PREX2: variants seen among roughly 807,000 people sequenced by gnomAD.
PREX2 encodes the protein phosphatidylinositol-3,4,5-trisphosphate dependent Rac exchange factor 2.
PREX2 carries 107 observed loss-of-function variants against 203.2 expected under a neutral mutation model. That is an observed-to-expected ratio of 0.53 (90% CI 0.45 to 0.62). The LOEUF (loss-of-function observed/expected upper bound fraction) is 0.62. Among genes scored for constraint, PREX2 ranks in the 20% least tolerant of loss-of-function variants. The pLI, the probability that PREX2 is intolerant of heterozygous loss-of-function variation, is 0.00. For synonymous variants in PREX2, 672 were observed against 663.6 expected (o/e 1.01, Z -0.19); for missense variants, 1,777 against 1,955.9 (o/e 0.91, Z 1.72).
At position 68,120,247 on chromosome 8, in the gene PREX2, G is replaced by T. The variant is rs779455396; in HGVS notation, c.3556G>T (p.Asp1186Tyr). Residue 1186 changes from aspartate (D) to tyrosine (Y), a missense_variant, in exon 29 of 40, where the codon GAC (aspartate) becomes TAC (tyrosine). Transcript: ENST00000288368. ...LKGQAVVRAF[D>Y]QTKYLTPGRG... ...AGGGCAGGCTGTTGTGAGGGCCTTT[G>T]ACCAAACCAAGTATCTCACTCCAGG... 4 of 1,613,852 alleles carry T rather than the reference G, an allele frequency of 2.5e-6. No homozygotes were observed. Among genetic ancestry groups the T allele is most frequent in the Non-Finnish European group, 3.4e-6 (4 of 1,179,812 alleles).
chr8:68,161,668 A>G (rs1009891539), intron 35 of PREX2, among the ~76,000 whole-genome samples: 4 of 151,740 alleles, frequency 2.6e-5, no homozygotes, highest in Non-Finnish European at 4.4e-5. Flanking sequence ...CTTCTCCCTT[A>G]TTGTGACCAT....
intron 1 of PREX2, among the ~76,000 whole-genome samples, chr8:68,014,062 A>G (rs999484547): frequency 1.3e-5 from 2 of 152,190 alleles, no homozygotes; most frequent in African/African-American, 4.8e-5. Flanking sequence ...ATTATAAAAT[A>G]AGAAAATGCA....
At chr8:67,974,945 C>G (rs2129608937) in intron 1 of PREX2, among the ~76,000 whole-genome samples, 1 of 152,304 alleles carries the variant, frequency 6.6e-6, no homozygotes, top group East Asian at 1.9e-4. Context: ...TGCATCCTGA[C>G]TGTGGTGACT....
chr8:68,109,754 C>A, intron 25 of PREX2, 131 bp downstream of exon 25: 1 of 709,278 alleles, frequency 1.4e-6, no homozygotes, highest in East Asian at 2.7e-5. Context: ...TATAGATCCT[C>A]TTCATTCCAA....
At chr8:68,223,901 T>A (rs2129615467) in intron 38 of PREX2, among the ~76,000 whole-genome samples, 1 of 152,320 alleles carries the variant, frequency 6.6e-6, no homozygotes, top group African/African-American at 2.4e-5. Flanking sequence ...GAAAAACAAG[T>A]GCACAGGTGT....
intron 39 of PREX2, among the ~76,000 whole-genome samples, chr8:68,226,453 A>C (rs910611148): frequency 1.3e-5 from 2 of 152,174 alleles, no homozygotes; most frequent in African/African-American, 4.8e-5. Flanking sequence ...GAGTTGAAGA[A>C]CACATTTGGC....
At chr8:67,965,895 TA>T (rs1805761519) in intron 1 of PREX2, among the ~76,000 whole-genome samples, 1 of 152,216 alleles carries the variant, frequency 6.6e-6, no homozygotes, top group Admixed American at 6.5e-5. Flanking sequence ...AGCTTTCAAT[TA>T]AAATAGGAGA....
chr8:68,073,878 C>T (rs1394005679), intron 14 of PREX2, among the ~76,000 whole-genome samples: 5 of 151,702 alleles, frequency 3.3e-5, no homozygotes, highest in African/African-American at 4.8e-5. Context: ...AGTTCTAGCT[C>T]AGGAAATCAG....
At chr8:68,212,327 T>C (rs1242102901) in intron 37 of PREX2, among the ~76,000 whole-genome samples, 1 of 152,214 alleles carries the variant, frequency 6.6e-6, no homozygotes, top group East Asian at 1.9e-4. Context: ...TCCCACCTGA[T>C]ATTATTCATC....
In PREX2 at chr8:68,192,343, G is replaced by A. The variant is rs745488864; in HGVS notation, c.4422G>A (p.Arg1474=). The A allele has an allele frequency of 7.6e-6, 12 of 1,589,042 alleles. No homozygotes were observed. The highest frequency in any genetic ancestry group is 1.7e-4 in the Middle Eastern group (1 of 5,976). Residue 1474 remains arginine, a synonymous_variant, in exon 37 of 40, where the codon AGG becomes AGA. Coordinates refer to ENST00000288368, the MANE Select transcript of PREX2 (RefSeq NM_024870.4). The part of the protein sequence containing the change: ...SKAAYVDKLM[R]PLNALDELYR... ...TCACTTTTTTTCTGCAGCTAATGAG[G>A]CCTCTCAACGCTTTGGATGAACTTT...
chr8:68,099,705 T>G lies in PREX2; in HGVS notation c.2577T>G (p.Ser859Arg). 1.9e-6 allele frequency: 3 copies of G among 1,613,860 alleles called. No homozygotes were observed. Among genetic ancestry groups the G allele is most frequent in the Non-Finnish European group, 1.7e-6 (2 of 1,179,848 alleles). Residue 859 changes from serine (S) to arginine (R), a missense_variant, in exon 23 of 40, where the codon AGT becomes AGG. By Grantham distance (110) the Ser-to-Arg change is moderately radical. Coordinates refer to ENST00000288368, the MANE Select transcript of PREX2 (RefSeq NM_024870.4). The stretch of plus-strand genomic sequence containing the variant: ...AGATTCTTGAAGCCCTGGCTAAAAG[T>G]GATGAGCATTTTGTACAAAACTGTA... ...TAKILEALAK[S>R]DEHFVQNCTS...
intron 1 of PREX2, among the ~76,000 whole-genome samples, chr8:68,009,518 A>C (rs1179688899): frequency 1.3e-5 from 2 of 152,212 alleles, no homozygotes; most frequent in African/African-American, 4.8e-5. Context: ...ACATTAAGAA[A>C]AAAGTTGACA....
rs540845811 is a variant in PREX2, at chr8:67,978,061, C to T, written c.141+25526C>T. 5.3e-5 allele frequency among the ~76,000 whole-genome samples: 8 copies of T among 152,136 alleles called. No individual in the cohort carries two copies. In the South Asian group the frequency reaches 1.5e-3, roughly 28 times the overall value. On this transcript the variant is annotated intron_variant, in intron 1 of 39. Transcript: ENST00000288368. ...TTGATCAGAAACACAGGTCACAACC[C>T]GGGGCATGTGATTGGCATCTGAAGT...
chr8:68,218,385 A>G (rs142630596), intron 38 of PREX2, among the ~76,000 whole-genome samples: 681 of 152,286 alleles, frequency 4.5e-3, no homozygotes, highest in African/African-American at 0.016. Context: ...CTAAGCTCCA[A>G]TTTACTAATT....
rs562289261 is a variant in PREX2 at position 68,017,962 on chromosome 8, T to C, written c.213+45T>C. 1.9e-5 allele frequency: 28 copies of C among 1,508,008 alleles called. No homozygotes were observed. The South Asian group carries it at 2.8e-4, about 15-fold the overall frequency. The allele number at this position is 1,508,008 out of a possible 1,614,324, so 93.4% of individuals were successfully genotyped here. On this transcript the variant is annotated intron_variant, in intron 2 of 39. Coordinates refer to ENST00000288368, the MANE Select transcript of PREX2 (RefSeq NM_024870.4). ...CTTCAACCTGAGCATGAGTTTCCTA[T>C]AGATAAATTTTGCTGGTGCCATGGT... is the stretch of plus-strand genomic sequence containing the variant.
intron 4 of PREX2, among the ~76,000 whole-genome samples, chr8:68,024,164 A>T (rs1462891317): frequency 1.3e-5 from 2 of 152,056 alleles, no homozygotes; most frequent in African/African-American, 4.8e-5. Context: ...ATATGATATG[A>T]TGTGAATAAT....
intron 35 of PREX2, among the ~76,000 whole-genome samples, chr8:68,167,587 C>T (rs1270041591): frequency 6.6e-6 from 1 of 152,120 alleles, no homozygotes; most frequent in Non-Finnish European, 1.5e-5. Flanking sequence ...CCCACCTTGG[C>T]CTCCCGAAGT....
At chr8:68,094,654 G>A (rs1810000930) in intron 21 of PREX2, among the ~76,000 whole-genome samples, 1 of 152,222 alleles carries the variant, frequency 6.6e-6, no homozygotes, top group Admixed American at 6.5e-5. Flanking sequence ...AACCAGCACA[G>A]CTGGAGAATA....
In PREX2 at chr8:68,048,870, C is replaced by A. The variant is rs28630456; in HGVS notation, c.944-4227C>A. Among the ~76,000 whole-genome samples the A allele has an allele frequency of 3.9e-3, 594 of 151,970 alleles. 5 individuals are homozygous for A. Among genetic ancestry groups the A allele is most frequent in the African/African-American group, 0.012 (516 of 41,474 alleles). On this transcript the variant is annotated intron_variant, in intron 8 of 39. Coordinates refer to ENST00000288368, the MANE Select transcript of PREX2 (RefSeq NM_024870.4). ...CAAAAATAGCATTTATTGTTGCATA[C>A]CAGTCGACTGACTAGATAAACCAGT...
Sources: gnomAD v4.1 joint callset for allele counts (sites outside exome capture counted in the v4.1 genomes callset) on GRCh38, gnomAD v4.1.1 for gene constraint, MANE v1.5 for transcripts, NCBI Gene and HGNC (gene_info 2026-07-23, HGNC 2026-07-21) for gene names.